IFT88: variants seen among roughly 807,000 people sequenced by gnomAD.
IFT88 encodes the protein intraflagellar transport protein 88 homolog.
Under a neutral mutation model 119.5 loss-of-function variants are expected in IFT88, and 74 were observed. The observed-to-expected ratio is 0.62, with a 90% CI of 0.51 to 0.75. The LOEUF (loss-of-function observed/expected upper bound fraction) is 0.75, where lower values mean the gene tolerates loss of function less well. Among genes scored for constraint, IFT88 ranks in the 30% least tolerant of loss-of-function variants. The pLI is 0.00. For synonymous variants in IFT88, 279 were observed against 316.7 expected (o/e 0.88, Z 1.26); for missense variants, 961 against 977.7 (o/e 0.98, Z 0.23).
chr13:20,574,590 A>C, intron 2 of IFT88, 115 bp downstream of exon 2: 1 of 508,312 alleles, frequency 2.0e-6, no homozygotes, highest in Non-Finnish European at 3.5e-6. Flanking sequence ...CTGATTCAAA[A>C]ACCTAGAAAA....
At chr13:20,627,506 G>T (rs1310429227) in intron 15 of IFT88, among the ~76,000 whole-genome samples, 2 of 151,768 alleles carry the variant, frequency 1.3e-5, no homozygotes, top group Non-Finnish European at 2.9e-5. Flanking sequence ...GAGGCAGGTG[G>T]ATCACCTGAG....
chr13:20,664,896 A>G lies in IFT88; in HGVS notation c.2175+1292A>G, dbSNP rs567399352. 1.3e-3 allele frequency among the ~76,000 whole-genome samples: 204 copies of G among 152,136 alleles called. 2 individuals are homozygous for G. The South Asian group carries it at 0.02, about 15-fold the overall frequency. On this transcript the variant is annotated intron_variant, in intron 23 of 25. Coordinates refer to ENST00000351808, the MANE Select transcript of IFT88 (RefSeq NM_006531.5). ...AGATCGAGACCATCCTGGCTAACAC[A>G]CTGAAACTCTGTCTCTACTAAAAAT...
chr13:20,582,306 A>G (rs756726712), intron 2 of IFT88, among the ~76,000 whole-genome samples: 2 of 152,204 alleles, frequency 1.3e-5, no homozygotes, highest in Non-Finnish European at 2.9e-5. Flanking sequence ...CTGAAGGGGA[A>G]TGTAAGTACA....
chr13:20,588,223 A>G (rs892967676), intron 3 of IFT88, among the ~76,000 whole-genome samples: 2 of 151,880 alleles, frequency 1.3e-5, no homozygotes, highest in Non-Finnish European at 2.9e-5. Flanking sequence ...CCAGGATTTT[A>G]TATTATTTTT....
chr13:20,582,033 T>A (rs1414241306), intron 2 of IFT88, among the ~76,000 whole-genome samples: 1 of 152,158 alleles, frequency 6.6e-6, no homozygotes, highest in Non-Finnish European at 1.5e-5. Context: ...TGTTTATTTT[T>A]AAAATAATTG....
At chr13:20,627,444 AAG>A (rs1330187213) in intron 15 of IFT88, among the ~76,000 whole-genome samples, 80 of 152,214 alleles carry the variant, frequency 5.3e-4, no homozygotes, top group African/African-American at 1.8e-3. Flanking sequence ...AGAAAGGGTT[AAG>A]AGGCCGGGCG....
intron 14 of IFT88, among the ~76,000 whole-genome samples, chr13:20,623,788 G>A (rs1283446911): frequency 6.6e-6 from 1 of 152,086 alleles, no homozygotes; most frequent in Non-Finnish European, 1.5e-5. Flanking sequence ...ATTTATTTAT[G>A]TTTTAAAAAA....
In IFT88 at chr13:20,574,489, G is replaced by C; in HGVS notation, c.90+14G>C. ...TATGATATCGAGGTAACAAAAGCTA[G>C]TTGTTTTTTACATTGGTCTTGGTTA... On this transcript the variant is annotated intron_variant, in intron 2 of 25. Transcript: ENST00000351808. 3 of 1,483,814 alleles carry C rather than the reference G, an allele frequency of 2.0e-6. No homozygotes were observed. The highest frequency in any genetic ancestry group is 2.8e-6 in the Non-Finnish European group (3 of 1,067,974). 91.9% of individuals were successfully genotyped at this position (1,483,814 alleles called of 1,614,324 possible).
At chr13:20,679,987 C>T (rs2057134800) in intron 24 of IFT88, among the ~76,000 whole-genome samples, 1 of 152,076 alleles carries the variant, frequency 6.6e-6, no homozygotes, top group Non-Finnish European at 1.5e-5. Flanking sequence ...TCATAAATGC[C>T]CCTTTAGGGG....
intron 14 of IFT88, among the ~76,000 whole-genome samples, chr13:20,622,614 A>G (rs1347933771): frequency 6.6e-6 from 1 of 152,160 alleles, no homozygotes; most frequent in Non-Finnish European, 1.5e-5. Context: ...CTTATTAGCT[A>G]TTTGTATACC....
intron 15 of IFT88, among the ~76,000 whole-genome samples, chr13:20,626,895 A>C (rs1377315514): frequency 6.6e-6 from 1 of 152,246 alleles, no homozygotes; most frequent in East Asian, 1.9e-4. Flanking sequence ...CCAGAGAGCA[A>C]GGACCAGAGA....
intron 9 of IFT88, among the ~76,000 whole-genome samples, chr13:20,597,509 C>A (rs1436963205): frequency 2.0e-5 from 3 of 152,004 alleles, no homozygotes; most frequent in Admixed American, 6.6e-5. Context: ...CTTTGGGAGG[C>A]CGAGGCGGGC....
intron 14 of IFT88, among the ~76,000 whole-genome samples, chr13:20,620,975 G>A (rs921733778): frequency 6.6e-6 from 1 of 152,202 alleles, no homozygotes; most frequent in African/African-American, 2.4e-5. Flanking sequence ...CCAGCCTGCT[G>A]GCGCCTTGTT....
rs552106573 is a variant in IFT88 at position 20,616,405 on chromosome 13, A to G, written c.1199+526A>G. 3.3e-4 allele frequency among the ~76,000 whole-genome samples: 51 copies of G among 152,340 alleles called. 1 individual carries two copies. The South Asian group carries it at 6.0e-3, about 18-fold the overall frequency. ...AGGCATGACATTTTAAAAATCTTTT[A>G]TACCATATTTTAATTGTACCTTTTC... On this transcript the variant is annotated intron_variant, in intron 14 of 25. Transcript: ENST00000351808.
chr13:20,576,337 G>A (rs1224251179), intron 2 of IFT88, among the ~76,000 whole-genome samples: 1 of 152,056 alleles, frequency 6.6e-6, no homozygotes, highest in African/African-American at 2.4e-5. Context: ...TCACTTCATT[G>A]TTTCCTTTGT....
chr13:20,655,229 C>G (rs1283850620), intron 21 of IFT88, among the ~76,000 whole-genome samples: 2 of 151,882 alleles, frequency 1.3e-5, no homozygotes, highest in Non-Finnish European at 2.9e-5. Flanking sequence ...GTCAAGAGAT[C>G]GAGACCATCC....
intron 14 of IFT88, among the ~76,000 whole-genome samples, chr13:20,624,868 C>T (rs563452649): frequency 4.9e-4 from 74 of 152,192 alleles, no homozygotes; most frequent in African/African-American, 1.4e-3. Flanking sequence ...AAATCCTATG[C>T]ATTACCACAC....
chr13:20,672,534 C>G (rs977745078), intron 24 of IFT88, among the ~76,000 whole-genome samples: 1 of 152,176 alleles, frequency 6.6e-6, no homozygotes, highest in Non-Finnish European at 1.5e-5. Flanking sequence ...ATCCGTGTGA[C>G]TATCTGGGGT....
chr13:20,613,102 A>G (rs192821321), intron 13 of IFT88, among the ~76,000 whole-genome samples: 1 of 152,238 alleles, frequency 6.6e-6, no homozygotes, highest in South Asian at 2.1e-4. Context: ...ACGTTATCAA[A>G]ATTAAAAACT....
Sources: gnomAD v4.1 joint callset for allele counts (sites outside exome capture counted in the v4.1 genomes callset) on GRCh38, gnomAD v4.1.1 for gene constraint, MANE v1.5 for transcripts, NCBI Gene and HGNC (gene_info 2026-07-23, HGNC 2026-07-21) for gene names.